The following MARK3 variants were observed in gnomAD, a reference collection of about 807,000 sequenced individuals.
MARK3 encodes MAP/microtubule affinity-regulating kinase 3.
Under a neutral mutation model 90.1 loss-of-function variants are expected in MARK3, and 46 were observed. That is an observed-to-expected ratio of 0.51 (90% CI 0.40 to 0.65). The LOEUF (loss-of-function observed/expected upper bound fraction) is 0.65. Ranked by LOEUF, MARK3 falls within the 30% of genes least tolerant of loss-of-function variation. The pLI is 0.00. For synonymous variants in MARK3, 321 were observed against 332.6 expected (o/e 0.97, Z 0.38); for missense variants, 818 against 947.2 (o/e 0.86, Z 1.79).
In MARK3 at chr14:103,457,215, A is replaced by T; in HGVS notation, c.483+3A>T. 1 of 1,589,014 alleles carries T rather than the reference A, an allele frequency of 6.3e-7. No individual in the cohort carries two copies. The highest frequency in any genetic ancestry group is 8.6e-7 in the Non-Finnish European group (1 of 1,157,752). On this transcript the variant is annotated splice_donor_region_variant and intron_variant, in intron 6 of 17. Transcript: ENST00000429436. ...AAGCAAGATCTAAATTTAGACAGGTATGAATTAATGTGTCTTTACTATGTC... is the reference window on the plus strand; with the variant it reads ...AAGCAAGATCTAAATTTAGACAGGTTTGAATTAATGTGTCTTTACTATGTC...
Position 103,404,424 on chromosome 14 carries a change from C to T in MARK3, c.52-652C>T, listed in dbSNP as rs578146930. Among the ~76,000 whole-genome samples, 13 of 152,216 alleles carry T rather than the reference C, an allele frequency of 8.5e-5. No homozygotes were observed. In the East Asian group the frequency reaches 2.3e-3, roughly 27 times the overall value. The stretch of plus-strand genomic sequence containing the variant: ...GTAGCAGGATGCCTGCGCATACAGC[C>T]ATGTACACAGTGTGTACACAGAAGT... On this transcript the variant is annotated intron_variant, in intron 1 of 17. Coordinates refer to ENST00000429436, the MANE Select transcript of MARK3 (RefSeq NM_001128918.3).
At chr14:103,424,646 GAGA>G (rs1489740420) in intron 2 of MARK3, among the ~76,000 whole-genome samples, 9 of 152,260 alleles carry the variant, frequency 5.9e-5, no homozygotes, top group South Asian at 2.1e-4. Flanking sequence ...GAAGCTCAGA[GAGA>G]AGAAGAACTG....
At chr14:103,439,648 A>T (rs948707845) in intron 3 of MARK3, among the ~76,000 whole-genome samples, 5 of 152,118 alleles carry the variant, frequency 3.3e-5, no homozygotes, top group African/African-American at 9.6e-5. Flanking sequence ...ACCTCAAGTG[A>T]TCCACCCACC....
chr14:103,482,031 G>A (rs1424436759), intron 14 of MARK3, among the ~76,000 whole-genome samples: 1 of 151,342 alleles, frequency 6.6e-6, no homozygotes, highest in Non-Finnish European at 1.5e-5. Context: ...CTCCCAAAGT[G>A]CTGGGATTAC....
chr14:103,387,969 T>C (rs562841766), intron 1 of MARK3, among the ~76,000 whole-genome samples: 1 of 152,240 alleles, frequency 6.6e-6, no homozygotes, highest in East Asian at 1.9e-4. Flanking sequence ...TCTGGCTCTG[T>C]CTCCCAGGCT....
Position 103,385,972 on chromosome 14 carries a change from C to G in MARK3, c.-58C>G. 1.4e-6 allele frequency: 2 copies of G among 1,455,522 alleles called. No homozygotes were observed. The highest frequency in any genetic ancestry group is 1.9e-6 in the Non-Finnish European group (2 of 1,035,586). The allele number at this position is 1,455,522 out of a possible 1,614,324, so 90.2% of individuals were successfully genotyped here. On this transcript the variant is annotated 5_prime_UTR_variant, in exon 1 of 18. Transcript: ENST00000429436. ...CTCGAGGACGCTGGTCGCCGGCCTC[C>G]TAGGGCTGTGCTGTTTTGTTTTGAC...
chr14:103,403,436 T>G (rs1308657163), intron 1 of MARK3, among the ~76,000 whole-genome samples: 1 of 151,962 alleles, frequency 6.6e-6, no homozygotes, highest in South Asian at 2.1e-4. Flanking sequence ...GAAATTTCCC[T>G]TATTTTTAAC....
At chr14:103,394,318 G>A (rs1217646692) in intron 1 of MARK3, among the ~76,000 whole-genome samples, 3 of 152,200 alleles carry the variant, frequency 2.0e-5, no homozygotes, top group Non-Finnish European at 4.4e-5. Context: ...AGAAGTTAAA[G>A]GTTGTGCTTG....
At chr14:103,487,594 C>T (rs2093952175) in intron 14 of MARK3, among the ~76,000 whole-genome samples, 1 of 152,078 alleles carries the variant, frequency 6.6e-6, no homozygotes, top group African/African-American at 2.4e-5. Flanking sequence ...ACAACTCCTG[C>T]ATCTTCTTCC....
chr14:103,391,170 C>G (rs2090215066), intron 1 of MARK3, among the ~76,000 whole-genome samples: 1 of 152,116 alleles, frequency 6.6e-6, no homozygotes, highest in South Asian at 2.1e-4. Context: ...GTTTGGCTGA[C>G]CAGGAATGCT....
intron 3 of MARK3, among the ~76,000 whole-genome samples, chr14:103,432,797 A>T (rs1410366718): frequency 1.3e-5 from 2 of 152,216 alleles, no homozygotes; most frequent in Non-Finnish European, 2.9e-5. Flanking sequence ...TGGAGGCTGC[A>T]GTGAGCTGTG....
At chr14:103,458,684 A>AT (rs1341058589) in intron 6 of MARK3, 3 of 659,680 alleles carry the variant, frequency 4.5e-6, no homozygotes, top group Middle Eastern at 2.4e-4. Flanking sequence ...TTATAGCCTC[A>AT]TTTTTTCTTA....
At chr14:103,405,023 G>A (rs2091194439) in intron 1 of MARK3, 53 bp from the exon 2 acceptor site, 1 of 1,436,980 alleles carries the variant, frequency 7.0e-7, no homozygotes, top group Non-Finnish European at 9.6e-7. Flanking sequence ...TTAGAACTTG[G>A]CAAGTACTCT....
intron 15 of MARK3, among the ~76,000 whole-genome samples, chr14:103,492,521 T>C (rs762066056): frequency 1.3e-5 from 2 of 152,228 alleles, no homozygotes; most frequent in Non-Finnish European, 2.9e-5. Flanking sequence ...AGTTTCTCTC[T>C]CAGTCTTAGT....
intron 15 of MARK3, among the ~76,000 whole-genome samples, chr14:103,497,638 G>A (rs2075419525): frequency 6.6e-6 from 1 of 152,110 alleles, no homozygotes. Flanking sequence ...ATCTAAGACT[G>A]AAAAGTCTAC....
chr14:103,432,855 C>CA (rs923684301), intron 3 of MARK3, among the ~76,000 whole-genome samples: 2 of 151,360 alleles, frequency 1.3e-5, no homozygotes, highest in Non-Finnish European at 2.9e-5. Context: ...GACCCTGTCT[C>CA]AAAAAAAAGC....
chr14:103,498,639 T>C, intron 16 of MARK3, 111 bp downstream of exon 16: 1 of 1,016,534 alleles, frequency 9.8e-7, no homozygotes, highest in Non-Finnish European at 1.3e-6. Flanking sequence ...AACTAAACTT[T>C]CTGCTGATAA....
intron 2 of MARK3, among the ~76,000 whole-genome samples, chr14:103,424,780 A>G (rs1328975413): frequency 2.6e-5 from 4 of 152,182 alleles, no homozygotes; most frequent in African/African-American, 9.6e-5. Context: ...TAGGTATACC[A>G]TGTAAAATTA....
chr14:103,495,751 C>T (rs984987764), intron 15 of MARK3, among the ~76,000 whole-genome samples: 1 of 152,166 alleles, frequency 6.6e-6, no homozygotes, highest in African/African-American at 2.4e-5. Flanking sequence ...AGTTTATTAA[C>T]TGAGGTCTGT....
Sources: gnomAD v4.1 joint callset for allele counts (sites outside exome capture counted in the v4.1 genomes callset) on GRCh38, gnomAD v4.1.1 for gene constraint, MANE v1.5 for transcripts, NCBI Gene and HGNC (gene_info 2026-07-23, HGNC 2026-07-21) for gene names.